VAV2: variants seen among roughly 807,000 people sequenced by gnomAD.
VAV2 encodes guanine nucleotide exchange factor VAV2.
Under a neutral mutation model 132.5 loss-of-function variants are expected in VAV2, and 67 were observed. The ratio of observed to expected loss-of-function variants is 0.51; its 90% CI spans 0.42 to 0.62. The LOEUF (loss-of-function observed/expected upper bound fraction) is 0.62, where lower values mean the gene tolerates loss of function less well. VAV2 is among the 20% of genes least tolerant of loss of function. VAV2 has a pLI of 0.00. For missense variants in VAV2, 938 were observed against 1,153.6 expected (o/e 0.81, Z 2.71); for synonymous variants, 492 against 443.5 (o/e 1.11, Z -1.37).
intron 1 of VAV2, among the ~76,000 whole-genome samples, chr9:133,941,468 T>C (rs1055989247): frequency 6.6e-6 from 1 of 152,162 alleles, no homozygotes; most frequent in Non-Finnish European, 1.5e-5. Flanking sequence ...TAAGTTAAAT[T>C]TTAAAGCTAC....
At chr9:133,865,093 G>A (rs747536111) in intron 2 of VAV2, among the ~76,000 whole-genome samples, 4 of 152,232 alleles carry the variant, frequency 2.6e-5, no homozygotes, top group Non-Finnish European at 5.9e-5. Context: ...AACTCCACGT[G>A]ATGGGTCCTT....
intron 2 of VAV2, among the ~76,000 whole-genome samples, chr9:133,895,220 T>C (rs1839150016): frequency 6.6e-6 from 1 of 151,808 alleles, no homozygotes; most frequent in African/African-American, 2.4e-5. Context: ...TATGGAGATC[T>C]CTGAGGGCTC....
rs930446881 is a variant in VAV2 at position 133,918,053 on chromosome 9, T to G, written c.321+21050A>C. On this transcript the variant is annotated intron_variant, in intron 2 of 29. Coordinates refer to ENST00000371850, the MANE Select transcript of VAV2 (RefSeq NM_001134398.2). The surrounding 1 kb of genome is among the most constrained non-coding windows in gnomAD (Gnocchi z 4.7). ...TTTCTCATTTCCCTGCTTCACCAACTCCATTTTCCAAAGTGATTGAGACTC... is the reference window on the plus strand; with the variant it reads ...TTTCTCATTTCCCTGCTTCACCAACGCCATTTTCCAAAGTGATTGAGACTC... Among the ~76,000 whole-genome samples the G allele has an allele frequency of 3.3e-5, 5 of 152,030 alleles. No individual in the cohort carries two copies. The highest frequency in any genetic ancestry group is 1.2e-4 in the African/African-American group (5 of 41,380).
intron 2 of VAV2, among the ~76,000 whole-genome samples, chr9:133,889,857 A>G (rs1220418516): frequency 7.2e-5 from 11 of 152,192 alleles, no homozygotes; most frequent in African/African-American, 2.2e-4. Flanking sequence ...ATGTCGATAC[A>G]AGGCTGAAGA....
intron 1 of VAV2, among the ~76,000 whole-genome samples, chr9:133,981,884 G>T (rs1351442418): frequency 6.6e-6 from 1 of 152,264 alleles, no homozygotes; most frequent in Admixed American, 6.5e-5. Flanking sequence ...CAAGGGCGGG[G>T]GTGGGGGTCA....
chr9:133,867,908 C>A (rs1376892276), intron 2 of VAV2, among the ~76,000 whole-genome samples: 9 of 152,158 alleles, frequency 5.9e-5, no homozygotes, highest in Admixed American at 5.9e-4. Context: ...GTTTCCTGAA[C>A]CAATGGAAAT....
rs368380831 is a variant in VAV2, at chr9:133,799,770, T to C, written c.837-1961A>G. Among the ~76,000 whole-genome samples, 17 of 151,928 alleles carry C rather than the reference T, an allele frequency of 1.1e-4. No homozygotes were observed. In the East Asian group the frequency reaches 2.9e-3, roughly 26 times the overall value. On this transcript the variant is annotated intron_variant, in intron 9 of 29. Coordinates refer to ENST00000371850, the MANE Select transcript of VAV2 (RefSeq NM_001134398.2). ...TGGAAGCAATCGAGAAAAAGGGTTT[T>C]CCCCTTTTAAAAAAAAATGAACAAA...
chr9:133,897,019 G>A (rs945744310), intron 2 of VAV2, among the ~76,000 whole-genome samples: 2 of 152,082 alleles, frequency 1.3e-5, no homozygotes, highest in Admixed American at 6.5e-5. Context: ...GTGTGAACCC[G>A]GGAGGCGGAG....
At chr9:133,946,170 G>A (rs1841352322) in intron 1 of VAV2, among the ~76,000 whole-genome samples, 1 of 152,220 alleles carries the variant, frequency 6.6e-6, no homozygotes, top group Non-Finnish European at 1.5e-5. Flanking sequence ...CCACCCTGGA[G>A]CTGTTAGCCC....
rs1833519654 is a variant in VAV2, at chr9:133,768,744, T to C, written c.2435-148A>G. 1.8e-6 allele frequency: 2 copies of C among 1,091,286 alleles called. No individual in the cohort carries two copies. The highest frequency in any genetic ancestry group is 5.5e-5 in the Admixed American group (2 of 36,186). The allele number at this position is 1,091,286 out of a possible 1,614,324, so 67.6% of individuals were successfully genotyped here. ...GGAAGGATGTCAAGCAGAAAGGCTCTGGAGGGACACACTGGCCTCCAATCC... is the reference window on the plus strand; with the variant it reads ...GGAAGGATGTCAAGCAGAAAGGCTCCGGAGGGACACACTGGCCTCCAATCC... On this transcript the variant is annotated intron_variant, in intron 28 of 29. Coordinates refer to ENST00000371850, the MANE Select transcript of VAV2 (RefSeq NM_001134398.2). The surrounding 1 kb of genome is among the most constrained non-coding windows in gnomAD (Gnocchi z 5.3).
rs184520442 is a variant in VAV2, at chr9:133,783,922, C to T, written c.1635-331G>A. The stretch of plus-strand genomic sequence containing the variant: ...TGGAGACAGGGTCTCACTCTGTCAC[C>T]CAGGCTGGAGTGCAGTGGCGACATC... On this transcript the variant is annotated intron_variant, in intron 18 of 29. Transcript: ENST00000371850. Among the ~76,000 whole-genome samples, 139 of 147,794 alleles carry T rather than the reference C, an allele frequency of 9.4e-4. 1 individual carries two copies. The highest frequency in any genetic ancestry group is 3.0e-3 in the African/African-American group (120 of 39,926).
intron 1 of VAV2, among the ~76,000 whole-genome samples, chr9:133,952,797 G>C (rs1289405601): frequency 6.6e-6 from 1 of 152,130 alleles, no homozygotes; most frequent in Non-Finnish European, 1.5e-5. Context: ...AGGCAGGATG[G>C]AGCCTCTCCT....
At chr9:133,908,171 A>G (rs1182863909) in intron 2 of VAV2, among the ~76,000 whole-genome samples, 6 of 150,886 alleles carry the variant, frequency 4.0e-5, no homozygotes, top group Non-Finnish European at 5.9e-5. Context: ...GGTGGAGGCT[A>G]AAGTGAGGGG....
intron 5 of VAV2, among the ~76,000 whole-genome samples, chr9:133,810,797 T>C (rs1259381129): frequency 1.3e-5 from 2 of 152,210 alleles, no homozygotes; most frequent in Non-Finnish European, 2.9e-5. Flanking sequence ...TCACCAGGCA[T>C]GGATGGGGGT....
At chr9:133,984,487 C>T (rs918385148) in intron 1 of VAV2, among the ~76,000 whole-genome samples, 2 of 152,160 alleles carry the variant, frequency 1.3e-5, no homozygotes, top group African/African-American at 2.4e-5. Context: ...GTGGCACACA[C>T]CTGTAGTCCC....
rs1455883900 is a variant in VAV2, at chr9:133,918,889, C to T, written c.321+20214G>A. On this transcript the variant is annotated intron_variant, in intron 2 of 29. Transcript: ENST00000371850. This position sits in a 1 kb window ranked among gnomAD's most constrained non-coding sequence, Gnocchi z 4.7. ...CTCCTGGGTTCAAGCGATTCCCCTA[C>T]CTCAGCCTCCCAAGTAGCTGGGATT... 6.6e-6 allele frequency among the ~76,000 whole-genome samples: 1 copy of T among 152,126 alleles called. No homozygotes were observed. Among genetic ancestry groups the T allele is most frequent in the African/African-American group, 2.4e-5 (1 of 41,420 alleles).
At chr9:133,839,795 A>G (rs1588251523) in intron 3 of VAV2, among the ~76,000 whole-genome samples, 2 of 152,240 alleles carry the variant, frequency 1.3e-5, no homozygotes, top group Non-Finnish European at 2.9e-5. Context: ...GATCACACAG[A>G]GGTATTTAAG....
intron 2 of VAV2, among the ~76,000 whole-genome samples, chr9:133,889,250 C>T (rs1210815713): frequency 6.6e-6 from 1 of 152,248 alleles, no homozygotes; most frequent in Non-Finnish European, 1.5e-5. Flanking sequence ...AGAGTCATCA[C>T]AGTGCTCCTC....
intron 1 of VAV2, among the ~76,000 whole-genome samples, chr9:133,957,552 G>A (rs980697900): frequency 1.3e-5 from 2 of 152,180 alleles, no homozygotes; most frequent in African/African-American, 2.4e-5. Context: ...AGGGCAGGGC[G>A]AGGAGGGGAG....
Sources: gnomAD v4.1 joint callset for allele counts (sites outside exome capture counted in the v4.1 genomes callset) on GRCh38, gnomAD v4.1.1 for gene constraint, Gnocchi (gnomAD v3.1) non-coding constraint, MANE v1.5 for transcripts, NCBI Gene and HGNC (gene_info 2026-07-23, HGNC 2026-07-21) for gene names.